Variants in CD1B observed in about 807,000 individuals in gnomAD.
CD1B encodes the protein CD1b molecule.
CD1B carries 43 observed loss-of-function variants against 39.8 expected under a neutral mutation model. That is an observed-to-expected ratio of 1.08 (90% CI 0.85 to 1.39). The LOEUF (loss-of-function observed/expected upper bound fraction) is 1.39. CD1B is among the 40% of genes most tolerant of loss of function. The pLI, the probability that CD1B is intolerant of heterozygous loss-of-function variation, is 0.00. For missense variants in CD1B, 495 were observed against 403.8 expected (o/e 1.23, Z -1.94); for synonymous variants, 192 against 152.5 (o/e 1.26, Z -1.91).
In CD1B at chr1:158,329,560, C is replaced by T; in HGVS notation, c.696G>A (p.Lys232=). The change falls in exon 4 of 6, where the codon AAG becomes AAA. Residue 232 remains lysine, a synonymous_variant. Coordinates refer to ENST00000368168, the MANE Select transcript of CD1B (RefSeq NM_001764.3). The part of the protein sequence containing the change: ...LVCHVSGFYP[K]PVWVMWMRGE... Reference sequence around the variant, plus strand: ...CCCGCATCCACATCACCCACACGGGCTTTGGGTAGAATCCTGAGACATGGC... The same window carrying T: ...CCCGCATCCACATCACCCACACGGGTTTTGGGTAGAATCCTGAGACATGGC... The T allele has an allele frequency of 6.2e-7, 1 of 1,614,108 alleles. No individual in the cohort carries two copies. The highest frequency in any genetic ancestry group is 1.1e-5 in the South Asian group (1 of 91,070).
chr1:158,320,379 C>T, the CD1B span, among the ~76,000 whole-genome samples: 5 of 152,144 alleles, frequency 3.3e-5, no homozygotes, highest in East Asian at 1.9e-4. Flanking sequence ...TTTTTAAGTC[C>T]GTTGGAAAAG....
At chr1:158,292,108 C>G in the CD1B span, 18 of 1,613,982 alleles carry the variant, frequency 1.1e-5, no homozygotes, top group South Asian at 2.0e-4. Context: ...CAGGTGAAAG[C>G]GGGCTGTGAG....
At chr1:158,328,380 G>C in intron 5 of CD1B, 123 bp from the exon 6 acceptor site, 1 of 667,522 alleles carries the variant, frequency 1.5e-6, no homozygotes, top group Non-Finnish European at 2.6e-6. Context: ...ATAGACGAAT[G>C]GATGAACAAA....
At chr1:158,318,311 G>T in the CD1B span, among the ~76,000 whole-genome samples, 1 of 152,110 alleles carries the variant, frequency 6.6e-6, no homozygotes, top group African/African-American at 2.4e-5. Flanking sequence ...TCTCTTTGTA[G>T]GTCACTCAGG....
At chr1:158,290,171 A>C in the CD1B span, 12 of 1,565,200 alleles carry the variant, frequency 7.7e-6, no homozygotes, top group Middle Eastern at 1.7e-4. Flanking sequence ...ATCTGGGTAG[A>C]GTGTGCTGGG....
chr1:158,317,491 G>A, the CD1B span, among the ~76,000 whole-genome samples: 13,484 of 152,124 alleles, frequency 0.089, 1,184 homozygotes, highest in African/African-American at 0.21. Flanking sequence ...TTGTATTTCC[G>A]TGGGATCGGT....
chr1:158,295,528 G>A, the CD1B span, among the ~76,000 whole-genome samples: 1 of 152,156 alleles, frequency 6.6e-6, no homozygotes, highest in East Asian at 1.9e-4. Flanking sequence ...CAGAGGGTTT[G>A]GTGTGAGAAC....
the CD1B span, chr1:158,290,104 C>T: frequency 1.2e-6 from 2 of 1,613,792 alleles, no homozygotes; most frequent in East Asian, 2.2e-5. Context: ...TCTTCTTCTC[C>T]CAGGTGGTGA....
the CD1B span, among the ~76,000 whole-genome samples, chr1:158,300,542 C>T: frequency 1.3e-5 from 2 of 151,884 alleles, no homozygotes; most frequent in Non-Finnish European, 2.9e-5. Flanking sequence ...CCTTGTTAAC[C>T]TTCTGTCTTG....
the CD1B span, among the ~76,000 whole-genome samples, chr1:158,304,314 G>A: frequency 4.6e-5 from 7 of 152,150 alleles, no homozygotes; most frequent in Non-Finnish European, 7.4e-5. Context: ...GGCCTGGAGG[G>A]TCCTATGCCC....
chr1:158,331,245 G>A, intron 1 of CD1B, 118 bp downstream of exon 1: 1 of 1,131,962 alleles, frequency 8.8e-7, no homozygotes, highest in Admixed American at 1.9e-5. Context: ...TGGTTGAAGA[G>A]GGCGGGAGAC....
At chr1:158,320,320 C>T in the CD1B span, among the ~76,000 whole-genome samples, 11 of 152,284 alleles carry the variant, frequency 7.2e-5, no homozygotes, top group East Asian at 5.8e-4. Context: ...ACTCTGTGGG[C>T]GTAGGACCCT....
the CD1B span, chr1:158,291,010 G>T: frequency 4.0e-6 from 4 of 1,008,386 alleles, no homozygotes; most frequent in African/African-American, 1.6e-5. Context: ...AAGGAAAATG[G>T]TATAGCTAAA....
chr1:158,287,332 G>C, the CD1B span, among the ~76,000 whole-genome samples: 2 of 152,110 alleles, frequency 1.3e-5, no homozygotes, highest in Admixed American at 6.5e-5. Context: ...GAGAGACAGA[G>C]AGACAGAGAA....
At chr1:158,310,382 G>T in the CD1B span, among the ~76,000 whole-genome samples, 1 of 152,152 alleles carries the variant, frequency 6.6e-6, no homozygotes, top group Non-Finnish European at 1.5e-5. Flanking sequence ...GAAAACCTGT[G>T]AAATTCCATT....
At chr1:158,309,764 C>A in the CD1B span, among the ~76,000 whole-genome samples, 13 of 135,444 alleles carry the variant, frequency 9.6e-5, no homozygotes, top group African/African-American at 2.5e-4. Context: ...TCTCACTCAC[C>A]GGTGGGAATT....
In CD1B at chr1:158,330,893, A is replaced by T. The variant is rs1197261945; in HGVS notation, c.231T>A (p.Ser77Arg). The T allele has an allele frequency of 6.2e-7, 1 of 1,613,768 alleles. No individual in the cohort carries two copies. The highest frequency in any genetic ancestry group is 8.5e-7 in the Non-Finnish European group (1 of 1,179,750). The change falls in exon 2 of 6, where the codon AGT (serine) becomes AGA (arginine). Residue 77 changes from serine (S) to arginine (R), a missense_variant. Transcript: ENST00000368168. ...CCTCTAACTCAGCAACCTCCTTATC[A>T]CTAAAGTTACCTTTAGACCAAGGCT... ...FLKPWSKGNF[S>R]DKEVAELEEI... is the part of the protein sequence containing the mutation.
chr1:158,309,374 C>G, the CD1B span, among the ~76,000 whole-genome samples: 1 of 152,172 alleles, frequency 6.6e-6, no homozygotes, highest in African/African-American at 2.4e-5. Flanking sequence ...CACTTTTACA[C>G]TGTTGGTGGG....
At chr1:158,324,525 C>G (rs57484198), downstream of CD1B, among the ~76,000 whole-genome samples, 7,160 of 152,160 alleles carry the variant, frequency 0.047, 559 homozygotes, top group African/African-American at 0.16. Context: ...TCATCGGAAA[C>G]CAAGATTTTC....
Sources: gnomAD v4.1 joint callset for allele counts (sites outside exome capture counted in the v4.1 genomes callset) on GRCh38, gnomAD v4.1.1 for gene constraint, MANE v1.5 for transcripts, NCBI Gene and HGNC (gene_info 2026-07-23, HGNC 2026-07-21) for gene names.